The following GLIS3 variants were observed in gnomAD, a reference collection of about 807,000 sequenced individuals.
GLIS3 encodes zinc finger protein GLIS3.
In GLIS3, 53 loss-of-function variants were observed where a neutral mutation model predicts 78.6. That is an observed-to-expected ratio of 0.67 (90% CI 0.54 to 0.85). The LOEUF (loss-of-function observed/expected upper bound fraction) is 0.85, where lower values mean the gene tolerates loss of function less well. GLIS3 is among the 40% of genes least tolerant of loss of function. GLIS3 has a pLI of 0.00. For synonymous variants in GLIS3, 684 were observed against 509.9 expected (o/e 1.34, Z -4.60); for missense variants, 1,703 against 1,231.1 (o/e 1.38, Z -5.74).
chr9:4,010,906 C>T (rs937811840), intron 4 of GLIS3, among the ~76,000 whole-genome samples: 6 of 152,130 alleles, frequency 3.9e-5, no homozygotes, highest in South Asian at 2.1e-4. Flanking sequence ...GGAGTAATCA[C>T]GCACTGGTAT....
intron 6 of GLIS3, among the ~76,000 whole-genome samples, chr9:3,918,605 T>C (rs1824671826): frequency 6.6e-6 from 1 of 152,150 alleles, no homozygotes; most frequent in Non-Finnish European, 1.5e-5. Flanking sequence ...TTTGAGACTC[T>C]GACCCAGGAG....
chr9:4,261,850 G>A (rs1423142215), intron 2 of GLIS3, among the ~76,000 whole-genome samples: 5 of 152,072 alleles, frequency 3.3e-5, no homozygotes, highest in Non-Finnish European at 5.9e-5. Context: ...CTCTTGCTAT[G>A]AACAGATATG....
chr9:3,987,785 A>C (rs1819884211), intron 4 of GLIS3, among the ~76,000 whole-genome samples: 1 of 48,786 alleles, frequency 2.0e-5, no homozygotes, highest in East Asian at 7.4e-4. Flanking sequence ...AAAAAAAAAA[A>C]AAACAAAACA....
chr9:3,962,953 G>C (rs944294921), intron 4 of GLIS3, among the ~76,000 whole-genome samples: 2 of 151,010 alleles, frequency 1.3e-5, no homozygotes, highest in Admixed American at 6.6e-5. Flanking sequence ...TTAAGGGGGG[G>C]GGGGGGAGAG....
At chr9:4,090,743 A>G (rs930798140) in intron 4 of GLIS3, among the ~76,000 whole-genome samples, 2 of 152,220 alleles carry the variant, frequency 1.3e-5, no homozygotes, top group African/African-American at 4.8e-5. Flanking sequence ...AGGGAAGAAG[A>G]GATAAGCTTA....
At chr9:4,133,863 CACACACACACA>C (rs758829969) in intron 2 of GLIS3, among the ~76,000 whole-genome samples, 4,638 of 115,232 alleles carry the variant, frequency 0.04, 92 homozygotes, top group Admixed American at 0.081. Flanking sequence ...CACACACACA[CACACACACACA>C]CCGTACATCT....
intron 4 of GLIS3, among the ~76,000 whole-genome samples, chr9:4,064,823 T>G (rs899893911): frequency 2.6e-5 from 4 of 152,184 alleles, no homozygotes; most frequent in Non-Finnish European, 4.4e-5. Flanking sequence ...GGCTTCAAAC[T>G]GAAATTGAGG....
At chr9:4,059,904 A>T (rs375325652) in intron 4 of GLIS3, among the ~76,000 whole-genome samples, 3 of 89,888 alleles carry the variant, frequency 3.3e-5, no homozygotes, top group South Asian at 1.1e-3. Context: ...CTCAAAAAAT[A>T]AAAAAATCTA....
chr9:4,461,805 G>C, the GLIS3 span, among the ~76,000 whole-genome samples: 1 of 152,176 alleles, frequency 6.6e-6, no homozygotes, highest in Non-Finnish European at 1.5e-5. Context: ...TAAAGATCAA[G>C]TGGAGCTATA....
chr9:4,202,448 AAATAAAAAT>A (rs1819492814), intron 2 of GLIS3, among the ~76,000 whole-genome samples: 2 of 150,926 alleles, frequency 1.3e-5, no homozygotes, highest in Non-Finnish European at 3.0e-5. Flanking sequence ...AAATAAAATA[AAATAAAAAT>A]AAAAATAAAT....
At chr9:3,878,315 G>T (rs1035415947) in intron 8 of GLIS3, among the ~76,000 whole-genome samples, 2 of 152,028 alleles carry the variant, frequency 1.3e-5, no homozygotes, top group African/African-American at 4.8e-5. Context: ...ATTCAAACCT[G>T]TAAGGGCAGG....
At chr9:4,231,223 G>C (rs771337245) in intron 2 of GLIS3, among the ~76,000 whole-genome samples, 2 of 152,088 alleles carry the variant, frequency 1.3e-5, no homozygotes, top group African/African-American at 2.4e-5. Flanking sequence ...GAAAATAAAA[G>C]TACAGTCAAC....
upstream of GLIS3, among the ~76,000 whole-genome samples, chr9:4,304,834 C>A (rs1817188483): frequency 6.6e-6 from 1 of 152,206 alleles, no homozygotes; most frequent in Admixed American, 6.5e-5. Context: ...CAAATCCTAA[C>A]TTCTTACGAT....
the GLIS3 span, among the ~76,000 whole-genome samples, chr9:4,414,879 A>G: frequency 6.6e-6 from 1 of 151,818 alleles, no homozygotes; most frequent in African/African-American, 2.4e-5. Context: ...CAGTTTAGCT[A>G]AAATCCTCCT....
chr9:4,087,693 A>C (rs187339134), intron 4 of GLIS3, among the ~76,000 whole-genome samples: 2 of 152,198 alleles, frequency 1.3e-5, no homozygotes, highest in African/African-American at 4.8e-5. Flanking sequence ...CATAAAATTC[A>C]TATCGGTGAA....
intron 9 of GLIS3, among the ~76,000 whole-genome samples, chr9:3,849,669 A>C (rs1003874333): frequency 6.6e-6 from 1 of 152,100 alleles, no homozygotes. Context: ...GCACTTTGGG[A>C]GGCTGGGGCG....
At chr9:4,268,280 A>C (rs543753819) in intron 2 of GLIS3, among the ~76,000 whole-genome samples, 98 of 152,326 alleles carry the variant, frequency 6.4e-4, no homozygotes, top group Middle Eastern at 3.4e-3. Flanking sequence ...GGTTTTTGAC[A>C]GCTTAAATGA....
At chr9:4,357,647 T>A in the GLIS3 span, among the ~76,000 whole-genome samples, 1 of 152,078 alleles carries the variant, frequency 6.6e-6, no homozygotes, top group African/African-American at 2.4e-5. Context: ...AAATGACTCA[T>A]TGACTCACGT....
At chr9:3,907,648 A>G (rs970770839) in intron 6 of GLIS3, among the ~76,000 whole-genome samples, 9 of 150,694 alleles carry the variant, frequency 6.0e-5, no homozygotes, top group Non-Finnish European at 1.3e-4. Context: ...ACACACACAC[A>G]CACACACTAC....
Sources: gnomAD v4.1 joint callset for allele counts (sites outside exome capture counted in the v4.1 genomes callset) on GRCh38, gnomAD v4.1.1 for gene constraint, MANE v1.5 for transcripts, NCBI Gene and HGNC (gene_info 2026-07-23, HGNC 2026-07-21) for gene names.